ST6GALNAC3: variants seen among roughly 807,000 people sequenced by gnomAD.
ST6GALNAC3 encodes the protein alpha-N-acetylgalactosaminide alpha-2,6-sialyltransferase 3.
ST6GALNAC3 carries 25 observed loss-of-function variants against 32.7 expected under a neutral mutation model. The observed-to-expected ratio is 0.76, with a 90% CI of 0.56 to 1.07. The LOEUF (loss-of-function observed/expected upper bound fraction) is 1.07, where lower values mean the gene tolerates loss of function less well. ST6GALNAC3 is among the 50% of genes least tolerant of loss of function. The pLI, the probability that ST6GALNAC3 is intolerant of heterozygous loss-of-function variation, is 0.00. For synonymous variants in ST6GALNAC3, 129 were observed against 133.1 expected (o/e 0.97, Z 0.21); for missense variants, 355 against 382.4 (o/e 0.93, Z 0.60).
chr1:76,221,827 T>G (rs1321956812), intron 1 of ST6GALNAC3, among the ~76,000 whole-genome samples: 12 of 152,300 alleles, frequency 7.9e-5, no homozygotes, highest in Admixed American at 2.6e-4. Flanking sequence ...TAGAGATTAT[T>G]GGCATAAGAG....
In ST6GALNAC3 at chr1:76,629,055, G is replaced by A. The variant is rs1649159953; in HGVS notation, c.*249G>A. 3 of 1,230,112 alleles carry A rather than the reference G, an allele frequency of 2.4e-6. No homozygotes were observed. The highest frequency in any genetic ancestry group is 3.0e-6 in the Non-Finnish European group (3 of 985,796). 76.2% of individuals were successfully genotyped at this position (1,230,112 alleles called of 1,614,324 possible). A position where few individuals can be genotyped will look rare whatever the true frequency, so the allele number is the denominator to read the frequency against. ...ACGTACCGCACTTTATAATTTAACT[G>A]GAATTGAGATGAAGGCCAGTGACAT... On this transcript the variant is annotated 3_prime_UTR_variant, in exon 5 of 5. Transcript: ENST00000328299.
chr1:76,576,481 G>GTCTT (rs1646809807), intron 3 of ST6GALNAC3, among the ~76,000 whole-genome samples: 1 of 152,026 alleles, frequency 6.6e-6, no homozygotes, highest in East Asian at 1.9e-4. Flanking sequence ...ATTGCAGTTA[G>GTCTT]ACCAAGGAAT....
At chr1:76,251,403 G>T (rs921828429) in intron 1 of ST6GALNAC3, among the ~76,000 whole-genome samples, 15 of 152,028 alleles carry the variant, frequency 9.9e-5, no homozygotes, top group Admixed American at 9.2e-4. Context: ...ATTCTTCAGT[G>T]CCTGGAGAAT....
chr1:76,208,199 C>T (rs1570438952), intron 1 of ST6GALNAC3, among the ~76,000 whole-genome samples: 1 of 152,354 alleles, frequency 6.6e-6, no homozygotes, highest in East Asian at 1.9e-4. Context: ...TGCCTGGCAC[C>T]ACCAGTGGGA....
chr1:76,212,126 C>A (rs1295581926), intron 1 of ST6GALNAC3, among the ~76,000 whole-genome samples: 2 of 152,030 alleles, frequency 1.3e-5, no homozygotes, highest in Non-Finnish European at 1.5e-5. Context: ...CTTTTCTGTC[C>A]ATTTGGGCTC....
intron 3 of ST6GALNAC3, among the ~76,000 whole-genome samples, chr1:76,484,543 G>A (rs1424774964): frequency 6.6e-6 from 1 of 152,164 alleles, no homozygotes; most frequent in Non-Finnish European, 1.5e-5. Context: ...TGGTGTATAA[G>A]AATGCTTGTG....
chr1:76,131,630 A>T (rs1251020354), intron 1 of ST6GALNAC3, among the ~76,000 whole-genome samples: 1 of 152,206 alleles, frequency 6.6e-6, no homozygotes, highest in Non-Finnish European at 1.5e-5. Context: ...ACGGAGGCTG[A>T]TGTAGTCTCT....
intron 2 of ST6GALNAC3, among the ~76,000 whole-genome samples, chr1:76,407,523 G>A (rs1361569707): frequency 6.6e-6 from 1 of 152,064 alleles, no homozygotes; most frequent in Non-Finnish European, 1.5e-5. Context: ...TCTTTAACAA[G>A]GACATAGGGA....
chr1:76,255,690 T>A (rs1657881084), intron 1 of ST6GALNAC3, among the ~76,000 whole-genome samples: 1 of 152,144 alleles, frequency 6.6e-6, no homozygotes, highest in South Asian at 2.1e-4. Context: ...AGTTTCTGAA[T>A]GAACTTGAAC....
intron 3 of ST6GALNAC3, among the ~76,000 whole-genome samples, chr1:76,494,429 GTATATATA>G (rs60378565): frequency 0.036 from 1,917 of 53,400 alleles, 68 homozygotes; most frequent in African/African-American, 0.042. Context: ...GTGTGCATGT[GTATATATA>G]TATATATATA....
At chr1:76,274,035 A>G (rs1185226158) in intron 1 of ST6GALNAC3, among the ~76,000 whole-genome samples, 1 of 152,208 alleles carries the variant, frequency 6.6e-6, no homozygotes. Flanking sequence ...ACCAGCCATA[A>G]TCACAACATT....
chr1:76,133,141 G>T (rs770789716), intron 1 of ST6GALNAC3, among the ~76,000 whole-genome samples: 9 of 152,056 alleles, frequency 5.9e-5, no homozygotes, highest in African/African-American at 1.2e-4. Flanking sequence ...GGTCTGCAAG[G>T]CCCCCTCATC....
intron 1 of ST6GALNAC3, among the ~76,000 whole-genome samples, chr1:76,219,970 G>C (rs983493402): frequency 6.6e-6 from 1 of 151,978 alleles, no homozygotes; most frequent in African/African-American, 2.4e-5. Flanking sequence ...TTATAGAGAG[G>C]GTACACAGTG....
intron 1 of ST6GALNAC3, among the ~76,000 whole-genome samples, chr1:76,115,196 G>A (rs977599618): frequency 6.6e-6 from 1 of 152,134 alleles, no homozygotes; most frequent in Non-Finnish European, 1.5e-5. Flanking sequence ...TTACATTTCA[G>A]GATATATTTC....
At chr1:76,157,271 T>C (rs943425764) in intron 1 of ST6GALNAC3, among the ~76,000 whole-genome samples, 1 of 152,240 alleles carries the variant, frequency 6.6e-6, no homozygotes, top group African/African-American at 2.4e-5. Context: ...AGCTGTTACA[T>C]GTCTCCAGCT....
chr1:76,154,016 C>G (rs1349832682), intron 1 of ST6GALNAC3, among the ~76,000 whole-genome samples: 3 of 152,126 alleles, frequency 2.0e-5, no homozygotes, highest in Non-Finnish European at 4.4e-5. Flanking sequence ...GTCGGGAGGG[C>G]TTTTTCCGTG....
chr1:76,348,462 A>G (rs1228869486), intron 2 of ST6GALNAC3, among the ~76,000 whole-genome samples: 1 of 152,166 alleles, frequency 6.6e-6, no homozygotes, highest in Non-Finnish European at 1.5e-5. Flanking sequence ...TATTCACTCT[A>G]ATTTAAGGTT....
chr1:76,357,130 C>CTTTTCT lies in ST6GALNAC3; in HGVS notation c.213+43135_213+43136insCTTTTT, dbSNP rs1553184100. 7.6e-4 allele frequency among the ~76,000 whole-genome samples: 85 copies of CTTTTCT among 111,192 alleles called. 2 individuals are homozygous for CTTTTCT. The highest frequency in any genetic ancestry group is 2.1e-3 in the African/African-American group (62 of 29,608). 72.9% of individuals were successfully genotyped at this position (111,192 alleles called of 152,430 possible). A position where few individuals can be genotyped will look rare whatever the true frequency, so the allele number is the denominator to read the frequency against. ...TAGTTTTCTTTTTTCTTTTCTTTTT[C>CTTTTCT]TTTTTTTTTTTTTTTCATTTTTGAG... is the stretch of plus-strand genomic sequence containing the variant. On this transcript the variant is annotated intron_variant, in intron 2 of 4. Coordinates refer to ENST00000328299, the MANE Select transcript of ST6GALNAC3 (RefSeq NM_152996.4).
At chr1:76,136,694 C>T (rs189385982) in intron 1 of ST6GALNAC3, among the ~76,000 whole-genome samples, 159 of 152,302 alleles carry the variant, frequency 1.0e-3, no homozygotes, top group Non-Finnish European at 1.9e-3. Flanking sequence ...CATATGGCAT[C>T]TCTAGAGCAT....
Sources: gnomAD v4.1 joint callset for allele counts (sites outside exome capture counted in the v4.1 genomes callset) on GRCh38, gnomAD v4.1.1 for gene constraint, MANE v1.5 for transcripts, NCBI Gene and HGNC (gene_info 2026-07-23, HGNC 2026-07-21) for gene names.